Variants in ROCK2 observed in about 807,000 individuals in gnomAD.
ROCK2 encodes the protein Rho associated coiled-coil containing protein kinase 2.
Under a neutral mutation model 195.1 loss-of-function variants are expected in ROCK2, and 61 were observed. The ratio of observed to expected loss-of-function variants is 0.31; its 90% CI spans 0.25 to 0.39. The LOEUF is 0.39. ROCK2 is among the 10% of genes least tolerant of loss of function. The pLI is 1.00. For missense variants in ROCK2, 1,109 were observed against 1,637.4 expected (o/e 0.68, Z 5.57); for synonymous variants, 504 against 545.5 (o/e 0.92, Z 1.06).
chr2:11,198,645 G>T, intron 24 of ROCK2, 36 bp downstream of exon 24: 1 of 1,564,268 alleles, frequency 6.4e-7, no homozygotes, highest in Non-Finnish European at 8.8e-7. Flanking sequence ...TAAACATTAG[G>T]TATATTAAAA....
intron 12 of ROCK2, among the ~76,000 whole-genome samples, chr2:11,216,777 T>A (rs1213678991): frequency 6.6e-6 from 1 of 152,148 alleles, no homozygotes; most frequent in Non-Finnish European, 1.5e-5. Flanking sequence ...CAGGCTGGAC[T>A]GCAGTGGCAT....
intron 27 of ROCK2, among the ~76,000 whole-genome samples, chr2:11,196,060 A>G (rs1663623346): frequency 6.6e-6 from 1 of 152,162 alleles, no homozygotes; most frequent in Non-Finnish European, 1.5e-5. Flanking sequence ...TTATGTATCA[A>G]TCGTGCTGGA....
At chr2:11,229,178 CA>C (rs1664914643) in intron 5 of ROCK2, among the ~76,000 whole-genome samples, 1 of 152,032 alleles carries the variant, frequency 6.6e-6, no homozygotes, top group Non-Finnish European at 1.5e-5. Flanking sequence ...AAACTATATT[CA>C]CATACTAAAC....
At chr2:11,258,385 C>T (rs1208647618) in intron 3 of ROCK2, among the ~76,000 whole-genome samples, 1 of 151,420 alleles carries the variant, frequency 6.6e-6, no homozygotes, top group Non-Finnish European at 1.5e-5. Flanking sequence ...AACAGTGGTC[C>T]TTTGTAAGCC....
intron 1 of ROCK2, among the ~76,000 whole-genome samples, chr2:11,318,488 GT>G (rs1668297815): frequency 6.6e-6 from 1 of 152,054 alleles, no homozygotes; most frequent in Admixed American, 6.6e-5. Context: ...TGAGTTCTTT[GT>G]AGATTCTGGA....
At chr2:11,296,957 A>C (rs1158479400) in intron 1 of ROCK2, among the ~76,000 whole-genome samples, 1 of 152,160 alleles carries the variant, frequency 6.6e-6, no homozygotes, top group African/African-American at 2.4e-5. Context: ...TCTTATTTTA[A>C]GTTTATACAG....
chr2:11,330,319 G>A (rs1193963230), intron 1 of ROCK2, among the ~76,000 whole-genome samples: 1 of 152,222 alleles, frequency 6.6e-6, no homozygotes, highest in South Asian at 2.1e-4. Flanking sequence ...AGAGCCCCAC[G>A]TTATTGAATT....
chr2:11,254,003 C>T (rs994605130), intron 3 of ROCK2, among the ~76,000 whole-genome samples: 13 of 152,144 alleles, frequency 8.5e-5, no homozygotes, highest in Non-Finnish European at 1.9e-4. Flanking sequence ...GTTTTGCTCC[C>T]CCTCCAATAA....
At chr2:11,187,550 T>A (rs1464837871) in intron 32 of ROCK2, among the ~76,000 whole-genome samples, 2 of 152,246 alleles carry the variant, frequency 1.3e-5, no homozygotes, top group Non-Finnish European at 2.9e-5. Flanking sequence ...ATTTAACAGC[T>A]ATTTCCATAA....
intron 1 of ROCK2, among the ~76,000 whole-genome samples, chr2:11,316,027 T>G (rs1193202633): frequency 6.6e-6 from 1 of 152,138 alleles, no homozygotes; most frequent in Non-Finnish European, 1.5e-5. Context: ...TAGCCATATG[T>G]AGCTAATGGC....
In ROCK2 at chr2:11,344,090, G is replaced by C. The variant is rs759714742; in HGVS notation, c.47C>G (p.Thr16Ser). The change falls in exon 1 of 33, where the codon ACC becomes AGC. Residue 16 changes from threonine to serine, a missense_variant. Around this residue, in one of 6 missense-constraint regions of ROCK2, gnomAD observed 64 missense variants for 62.4 expected, o/e 1.03. Coordinates refer to ENST00000315872, the MANE Select transcript of ROCK2 (RefSeq NM_004850.5). The surrounding 1 kb of genome is among the most constrained non-coding windows in gnomAD (Gnocchi z 5.4). ...CGCGCCTGCCCCGTCCCCCGGCGCG[G>C]TCTCGGGGGCGCCGGGCATTTTCCC... is the stretch of plus-strand genomic sequence containing the variant. ...PTGKMPGAPETAPGDGAGASR... is the reference protein window; with the variant it reads ...PTGKMPGAPESAPGDGAGASR... 1 of 1,532,108 alleles carries C rather than the reference G, an allele frequency of 6.5e-7. No individual in the cohort carries two copies. Among genetic ancestry groups the C allele is most frequent in the South Asian group, 1.2e-5 (1 of 83,032 alleles). 94.9% of individuals were successfully genotyped at this position (1,532,108 alleles called of 1,614,324 possible). A position where few individuals can be genotyped will look rare whatever the true frequency, so the allele number is the denominator to read the frequency against.
chr2:11,282,287 G>T (rs1033678948), intron 3 of ROCK2, among the ~76,000 whole-genome samples: 1 of 152,056 alleles, frequency 6.6e-6, no homozygotes, highest in Non-Finnish European at 1.5e-5. Flanking sequence ...GGAGGCAGAG[G>T]TTGCAGTGAG....
chr2:11,245,416 T>G lies in ROCK2; in HGVS notation c.462+4245A>C, dbSNP rs571293822. 1.3e-4 allele frequency among the ~76,000 whole-genome samples: 20 copies of G among 152,124 alleles called. No homozygotes were observed. The East Asian group carries it at 3.7e-3, about 28-fold the overall frequency. On this transcript the variant is annotated intron_variant, in intron 4 of 32. Transcript: ENST00000315872. ...TCTCAAGCATGCAACTAGTAAAAAT[T>G]TAAAATAGTTACAATATCAAGTATT...
At chr2:11,303,710 C>G (rs1293800496) in intron 1 of ROCK2, among the ~76,000 whole-genome samples, 1 of 152,144 alleles carries the variant, frequency 6.6e-6, no homozygotes, top group African/African-American at 2.4e-5. Flanking sequence ...TTCTAGCTGT[C>G]TTAAGTTTTT....
At chr2:11,219,628 C>A (rs749004935) in intron 9 of ROCK2, among the ~76,000 whole-genome samples, 1 of 152,036 alleles carries the variant, frequency 6.6e-6, no homozygotes, top group Non-Finnish European at 1.5e-5. Flanking sequence ...ATACTTCCCA[C>A]CTCTTCATCT....
chr2:11,344,120 G>A lies in ROCK2; in HGVS notation c.17C>T (p.Pro6Leu), dbSNP rs867931783. ...GGGGGCGCCGGGCATTTTCCCCGTC[G>A]GCGGGGGCCGGCTCATGCCGCCACC... is the stretch of plus-strand genomic sequence containing the variant. MSRPP[P>L]TGKMPGAPET... is the part of the protein sequence containing the mutation. Residue 6 changes from proline (P) to leucine (L), a missense_variant, in exon 1 of 33, where the codon CCG becomes CTG. By Grantham distance (98) the Pro-to-Leu change is moderately conservative. Coordinates refer to ENST00000315872, the MANE Select transcript of ROCK2 (RefSeq NM_004850.5). The surrounding 1 kb of genome is among the most constrained non-coding windows in gnomAD (Gnocchi z 5.4). 1.6e-5 allele frequency: 24 copies of A among 1,475,714 alleles called. 1 individual carries two copies. In the Middle Eastern group the frequency reaches 8.6e-4, roughly 53 times the overall value. 91.4% of individuals were successfully genotyped at this position (1,475,714 alleles called of 1,614,324 possible). A position where few individuals can be genotyped will look rare whatever the true frequency, so the allele number is the denominator to read the frequency against.
At chr2:11,224,576 T>G in intron 6 of ROCK2, 116 bp from the exon 7 acceptor site, 2 of 861,230 alleles carry the variant, frequency 2.3e-6, no homozygotes, top group Non-Finnish European at 3.7e-6. Flanking sequence ...AGAACAAATA[T>G]TCTACGGGCA....
At chr2:11,247,910 T>TC (rs1665675408) in intron 4 of ROCK2, among the ~76,000 whole-genome samples, 1 of 151,870 alleles carries the variant, frequency 6.6e-6, no homozygotes, top group Non-Finnish European at 1.5e-5. Context: ...TAATCCCAGC[T>TC]ACTCGGGAGG....
At chr2:11,195,082 GAACTT>G in intron 27 of ROCK2, 57 bp from the exon 28 acceptor site, 2 of 910,990 alleles carry the variant, frequency 2.2e-6, no homozygotes, top group Non-Finnish European at 3.3e-6. Context: ...AGATAACAAA[GAACTT>G]AATAAAATTT....
Sources: gnomAD v4.1 joint callset for allele counts (sites outside exome capture counted in the v4.1 genomes callset) on GRCh38, gnomAD v4.1.1 for gene constraint, gnomAD v4.1.1 regional missense constraint, Gnocchi (gnomAD v3.1) non-coding constraint, MANE v1.5 for transcripts, NCBI Gene and HGNC (gene_info 2026-07-23, HGNC 2026-07-21) for gene names.